Variants in RORA observed in about 807,000 individuals in gnomAD.
RORA encodes nuclear receptor ROR-alpha.
RORA carries 7 observed loss-of-function variants against 69.5 expected under a neutral mutation model. The observed-to-expected ratio is 0.10, with a 90% CI of 0.06 to 0.19. RORA has a LOEUF of 0.19. Among genes scored for constraint, RORA ranks in the 10% least tolerant of loss-of-function variants. RORA has a pLI of 1.00. For synonymous variants in RORA, 261 were observed against 240.8 expected, an observed-to-expected ratio of 1.08 and a Z score of -0.78; for missense variants, 457 against 663.0, an observed-to-expected ratio of 0.69 and a Z score of 3.41.
At chr15:60,809,156 C>T (rs2072706435) in intron 1 of RORA, among the ~76,000 whole-genome samples, 1 of 147,784 alleles carries the variant, frequency 6.8e-6, no homozygotes, top group Non-Finnish European at 1.5e-5. Context: ...ACTTGTTCCC[C>T]CAAAACCCAT....
intron 1 of RORA, among the ~76,000 whole-genome samples, chr15:60,884,410 T>C (rs2073728807): frequency 6.6e-6 from 1 of 152,094 alleles, no homozygotes; most frequent in African/African-American, 2.4e-5. Context: ...CTGGAATGAC[T>C]GGATACTTAT....
chr15:60,886,146 A>G (rs1013370997), intron 1 of RORA, among the ~76,000 whole-genome samples: 3 of 152,212 alleles, frequency 2.0e-5, no homozygotes, highest in Non-Finnish European at 2.9e-5. Context: ...AAATTGTTAT[A>G]TGTGGAGATT....
At chr15:60,948,663 T>G (rs931534394) in intron 1 of RORA, among the ~76,000 whole-genome samples, 11 of 152,366 alleles carry the variant, frequency 7.2e-5, no homozygotes, top group African/African-American at 2.6e-4. Flanking sequence ...ACAAGTTATG[T>G]GACTTGGTGA....
intron 1 of RORA, among the ~76,000 whole-genome samples, chr15:60,806,475 T>A (rs1384074998): frequency 6.6e-6 from 1 of 152,242 alleles, no homozygotes; most frequent in Non-Finnish European, 1.5e-5. Flanking sequence ...AGAACTCTTA[T>A]CAGTATTACT....
At chr15:61,192,491 A>G (rs900903742) in intron 1 of RORA, among the ~76,000 whole-genome samples, 5 of 152,188 alleles carry the variant, frequency 3.3e-5, no homozygotes, top group South Asian at 2.1e-4. Context: ...TAAGGGGTAC[A>G]GTGCTCAGTA....
chr15:60,869,181 G>A (rs772229680), intron 1 of RORA, among the ~76,000 whole-genome samples: 1 of 152,202 alleles, frequency 6.6e-6, no homozygotes, highest in Non-Finnish European at 1.5e-5. Context: ...CCTCAGTGCA[G>A]CCAAGGTAAC....
chr15:60,615,061 C>T (rs200571601), intron 2 of RORA: 87 of 1,593,700 alleles, frequency 5.5e-5, no homozygotes, highest in Non-Finnish European at 6.5e-5. Flanking sequence ...TCAACCCACA[C>T]ACAGCCCCCT....
rs1358191647 is a variant in RORA at position 60,503,564 on chromosome 15, T to G, written c.1046A>C (p.Gln349Pro). 1.2e-6 allele frequency: 2 copies of G among 1,614,058 alleles called. No individual in the cohort carries two copies. Among genetic ancestry groups the G allele is most frequent in the Admixed American group, 3.3e-5 (2 of 60,008 alleles). ...KRIDGFMELC[Q>P]NDQIVLLKAG... Reference sequence around the variant, plus strand: ...TTTTAGAAGCACAATTTGATCATTTTGACACAGTTCCATAAATCCATCAAT... The same window carrying G: ...TTTTAGAAGCACAATTTGATCATTTGGACACAGTTCCATAAATCCATCAAT... The change falls in exon 7 of 11, where the codon CAA becomes CCA. Residue 349 changes from glutamine to proline, a missense_variant. Gln to Pro is a moderately conservative substitution (Grantham distance 76). Coordinates refer to ENST00000335670, the MANE Select transcript of RORA (RefSeq NM_134261.3).
intron 2 of RORA, among the ~76,000 whole-genome samples, chr15:60,639,736 T>C (rs886154618): frequency 1.3e-5 from 2 of 152,098 alleles, no homozygotes; most frequent in Non-Finnish European, 2.9e-5. Context: ...ATAGTTAAAG[T>C]GCATAGAGCT....
intron 1 of RORA, among the ~76,000 whole-genome samples, chr15:60,691,859 T>C (rs1251851111): frequency 6.6e-6 from 1 of 152,230 alleles, no homozygotes; most frequent in Non-Finnish European, 1.5e-5. Context: ...GCTGTAAAGG[T>C]TATAACCCAA....
intron 1 of RORA, among the ~76,000 whole-genome samples, chr15:61,141,683 C>T (rs1310550591): frequency 1.3e-5 from 2 of 152,152 alleles, no homozygotes; most frequent in African/African-American, 2.4e-5. Context: ...CCCAGAACAG[C>T]CAGAATGAGA....
chr15:61,094,618 G>A (rs953677545), intron 1 of RORA, among the ~76,000 whole-genome samples: 1 of 152,172 alleles, frequency 6.6e-6, no homozygotes, highest in African/African-American at 2.4e-5. Flanking sequence ...TGTTCTGTGG[G>A]GAAGACAAAA....
intron 1 of RORA, among the ~76,000 whole-genome samples, chr15:61,184,935 T>C (rs2079725088): frequency 6.9e-6 from 1 of 143,920 alleles, no homozygotes; most frequent in Admixed American, 7.4e-5. Context: ...CACTGAGCTA[T>C]GATTGTCCCA....
intron 1 of RORA, among the ~76,000 whole-genome samples, chr15:61,186,805 G>A (rs780173399): frequency 1.3e-5 from 2 of 152,200 alleles, no homozygotes; most frequent in Non-Finnish European, 2.9e-5. Flanking sequence ...CCTTCCTACT[G>A]TGGGTTTGGT....
intron 1 of RORA, among the ~76,000 whole-genome samples, chr15:61,189,659 C>T (rs1021221864): frequency 6.6e-6 from 1 of 151,954 alleles, no homozygotes; most frequent in Non-Finnish European, 1.5e-5. Context: ...AGATCAAGAC[C>T]ATCCTGGCTA....
chr15:60,572,257 G>T (rs566164049), intron 2 of RORA, among the ~76,000 whole-genome samples: 1 of 152,176 alleles, frequency 6.6e-6, no homozygotes, highest in Non-Finnish European at 1.5e-5. Context: ...CATTTCACAT[G>T]GCCAGCAAAG....
chr15:61,148,381 T>G (rs893353571), intron 1 of RORA, among the ~76,000 whole-genome samples: 3 of 152,210 alleles, frequency 2.0e-5, no homozygotes, highest in African/African-American at 7.2e-5. Flanking sequence ...GCCGGAATTC[T>G]GCCTGTAGTT....
chr15:60,553,975 C>G (rs1485844160), intron 2 of RORA, among the ~76,000 whole-genome samples: 2 of 152,178 alleles, frequency 1.3e-5, no homozygotes, highest in Non-Finnish European at 2.9e-5. Flanking sequence ...GTGAGGCCCC[C>G]TCACATACAT....
intron 1 of RORA, among the ~76,000 whole-genome samples, chr15:60,788,487 C>A (rs1317254174): frequency 6.6e-6 from 1 of 152,202 alleles, no homozygotes; most frequent in Non-Finnish European, 1.5e-5. Context: ...CTTGACCTAT[C>A]ATCTTTCTTT....
Sources: gnomAD v4.1 joint callset for allele counts (sites outside exome capture counted in the v4.1 genomes callset) on GRCh38, gnomAD v4.1.1 for gene constraint, MANE v1.5 for transcripts, NCBI Gene and HGNC (gene_info 2026-07-23, HGNC 2026-07-21) for gene names.